SEMA5A: variants seen among roughly 807,000 people sequenced by gnomAD.
The protein encoded by SEMA5A is semaphorin-5A.
A neutral mutation model predicts 135.5 loss-of-function variants in SEMA5A; 55 were observed. That is an observed-to-expected ratio of 0.41 (90% CI 0.33 to 0.51). SEMA5A has a LOEUF of 0.51. Ranked by LOEUF, SEMA5A falls within the 20% of genes least tolerant of loss-of-function variation. SEMA5A has a pLI of 0.37. For synonymous variants in SEMA5A, 580 were observed against 546.5 expected (o/e 1.06, Z -0.85); for missense variants, 1,290 against 1,419.9 (o/e 0.91, Z 1.47).
At position 9,094,965 on chromosome 5, in the gene SEMA5A, G is replaced by GA. The variant is rs139656452; in HGVS notation, c.2073+13174dup. 7.4e-3 allele frequency among the ~76,000 whole-genome samples: 1,117 copies of GA among 150,642 alleles called. 13 individuals are homozygous for GA. Among genetic ancestry groups the GA allele is most frequent in the African/African-American group, 0.018 (747 of 41,120 alleles). On this transcript the variant is annotated intron_variant, in intron 16 of 22. Transcript: ENST00000382496. ...AGATTCTGCAAGTCAAATAGATCTT[G>GA]AAAAAAAAATATGCCATGGAGGGAA... is the stretch of plus-strand genomic sequence containing the variant.
chr5:9,228,598 T>G (rs1195850038), intron 6 of SEMA5A, among the ~76,000 whole-genome samples: 1 of 152,256 alleles, frequency 6.6e-6, no homozygotes, highest in Non-Finnish European at 1.5e-5. Flanking sequence ...GAAACCAATG[T>G]GCAGGATAAG....
At chr5:9,109,027 A>ATTTT (rs1305606521) in intron 15 of SEMA5A, among the ~76,000 whole-genome samples, 16 of 118,944 alleles carry the variant, frequency 1.3e-4, no homozygotes, top group East Asian at 1.3e-3. Flanking sequence ...ATTTCTCTTC[A>ATTTT]ATTTTTTTTT....
chr5:9,104,976 A>G (rs1739834658), intron 16 of SEMA5A, among the ~76,000 whole-genome samples: 2 of 152,196 alleles, frequency 1.3e-5, no homozygotes, highest in African/African-American at 4.8e-5. Flanking sequence ...GGGTCCAGAG[A>G]AGGAATGCCA....
At chr5:9,179,828 C>T (rs1560993433) in intron 11 of SEMA5A, among the ~76,000 whole-genome samples, 1 of 152,154 alleles carries the variant, frequency 6.6e-6, no homozygotes, top group Non-Finnish European at 1.5e-5. Flanking sequence ...TGCAGTGTGG[C>T]AAAGTCTACC....
At chr5:9,196,537 G>A (rs966260295) in intron 10 of SEMA5A, among the ~76,000 whole-genome samples, 7 of 152,140 alleles carry the variant, frequency 4.6e-5, no homozygotes, top group Non-Finnish European at 1.0e-4. Flanking sequence ...AGTCCAAACT[G>A]ACTAATACAC....
rs114004857 is a variant in SEMA5A at position 9,120,665 on chromosome 5, C to T, written c.1782-1524G>A. Among the ~76,000 whole-genome samples the T allele has an allele frequency of 8.4e-3, 1,281 of 152,148 alleles. 23 individuals carry two copies. Among genetic ancestry groups the T allele is most frequent in the African/African-American group, 0.029 (1,217 of 41,516 alleles). On this transcript the variant is annotated intron_variant, in intron 14 of 22. Transcript: ENST00000382496. The stretch of plus-strand genomic sequence containing the variant: ...TAGCAGTTTTAATATAAATAAATTA[C>T]ATTTAATTTGCAAAGTTTCATTACA...
At chr5:9,420,758 C>T (rs145023980) in intron 2 of SEMA5A, among the ~76,000 whole-genome samples, 16 of 151,906 alleles carry the variant, frequency 1.1e-4, no homozygotes, top group African/African-American at 3.4e-4. Context: ...CTCATGCCTG[C>T]GACCCCAACA....
chr5:9,071,571 G>A (rs1258501081), intron 16 of SEMA5A, among the ~76,000 whole-genome samples: 1 of 152,170 alleles, frequency 6.6e-6, no homozygotes, highest in Non-Finnish European at 1.5e-5. Context: ...TTGGGGAACA[G>A]ATTTAGATAG....
intron 5 of SEMA5A, among the ~76,000 whole-genome samples, chr5:9,259,129 T>A (rs1417303496): frequency 6.6e-6 from 1 of 152,152 alleles, no homozygotes. Flanking sequence ...GCCCCATTAT[T>A]TTTTACAAAA....
intron 8 of SEMA5A, among the ~76,000 whole-genome samples, chr5:9,213,663 C>G (rs1253580134): frequency 2.0e-5 from 3 of 152,198 alleles, no homozygotes; most frequent in African/African-American, 7.2e-5. Context: ...CCCAGTCACA[C>G]TCATGCATCC....
chr5:9,335,302 C>A (rs1320075064), intron 4 of SEMA5A, among the ~76,000 whole-genome samples: 4 of 152,180 alleles, frequency 2.6e-5, no homozygotes, highest in Admixed American at 6.5e-5. Context: ...GGGATGAAGA[C>A]CTCCTGGGAC....
Position 9,063,094 on chromosome 5 carries a change from C to T in SEMA5A, c.2311G>A (p.Asp771Asn). The T allele has an allele frequency of 6.2e-7, 1 of 1,612,376 alleles. No homozygotes were observed. Among genetic ancestry groups the T allele is most frequent in the East Asian group, 2.2e-5 (1 of 44,800 alleles). ...SGCSTDGLSG[D>N]FLRAGRYSAH... ...GAGTATCTCCCAGCACGCAGGAAAT[C>T]CCCAGAAAGCCCTGCCAAGGAAACA... Residue 771 changes from aspartate (D) to asparagine (N), a missense_variant, in exon 18 of 23, where the codon GAT becomes AAT. By Grantham distance (23) the Asp-to-Asn change is conservative. Coordinates refer to ENST00000382496, the MANE Select transcript of SEMA5A (RefSeq NM_003966.3).
chr5:9,313,011 G>A (rs911565686), intron 5 of SEMA5A, among the ~76,000 whole-genome samples: 3 of 152,122 alleles, frequency 2.0e-5, no homozygotes, highest in African/African-American at 4.8e-5. Flanking sequence ...TGGTGTCCCC[G>A]TGCTCCTACT....
intron 4 of SEMA5A, among the ~76,000 whole-genome samples, chr5:9,326,949 A>G (rs563338943): frequency 6.6e-6 from 1 of 152,336 alleles, no homozygotes; most frequent in East Asian, 1.9e-4. Flanking sequence ...CCAATTCACC[A>G]GCATGTCTAT....
chr5:9,431,496 G>T (rs1168612886), intron 2 of SEMA5A, among the ~76,000 whole-genome samples: 2 of 152,100 alleles, frequency 1.3e-5, no homozygotes, highest in African/African-American at 4.8e-5. Flanking sequence ...TGATTTCTTT[G>T]TGGCCTCGGA....
intron 1 of SEMA5A, among the ~76,000 whole-genome samples, chr5:9,482,194 C>A (rs1420542984): frequency 6.6e-6 from 1 of 152,248 alleles, no homozygotes; most frequent in Non-Finnish European, 1.5e-5. Context: ...CAGTACCTGA[C>A]ATTTCACCCA....
At chr5:9,435,645 G>A (rs757878328) in intron 2 of SEMA5A, among the ~76,000 whole-genome samples, 3 of 152,144 alleles carry the variant, frequency 2.0e-5, no homozygotes, top group Non-Finnish European at 4.4e-5. Flanking sequence ...TGCAAGGATC[G>A]TGTCAATCAT....
At chr5:9,334,401 G>A (rs1753290337) in intron 4 of SEMA5A, among the ~76,000 whole-genome samples, 1 of 152,138 alleles carries the variant, frequency 6.6e-6, no homozygotes, top group Non-Finnish European at 1.5e-5. Flanking sequence ...AACTTTCTGA[G>A]CCTAATCCCA....
intron 1 of SEMA5A, among the ~76,000 whole-genome samples, chr5:9,540,772 C>T (rs1187028865): frequency 6.6e-6 from 1 of 152,154 alleles, no homozygotes; most frequent in Admixed American, 6.6e-5. Context: ...GGTTTGGGGG[C>T]ACTGGCAGGA....
Sources: gnomAD v4.1 joint callset for allele counts (sites outside exome capture counted in the v4.1 genomes callset) on GRCh38, gnomAD v4.1.1 for gene constraint, MANE v1.5 for transcripts, NCBI Gene and HGNC (gene_info 2026-07-23, HGNC 2026-07-21) for gene names.